Variants in ZNF525 observed in about 807,000 individuals in gnomAD.
ZNF525 encodes zinc finger protein 525.
ZNF525 carries 33 observed loss-of-function variants against 37.6 expected under a neutral mutation model. The ratio of observed to expected loss-of-function variants is 0.88; its 90% CI spans 0.67 to 1.17. The LOEUF is 1.17. Ranked by LOEUF, ZNF525 falls within the 50% of genes most tolerant of loss-of-function variation. The pLI is 0.00. For missense variants in ZNF525, 449 were observed against 543.1 expected (o/e 0.83, Z 1.72); for synonymous variants, 170 against 182.3 (o/e 0.93, Z 0.54).
chr19:53,372,094 G>A, intron 1 of ZNF525, 121 bp from the exon 2 acceptor site: 2 of 467,008 alleles, frequency 4.3e-6, no homozygotes, highest in South Asian at 4.4e-5. Flanking sequence ...GGTACCTGGT[G>A]TGGAGGGCAG....
chr19:53,370,880 C>T (rs1444354632), intron 1 of ZNF525, among the ~76,000 whole-genome samples: 1 of 152,224 alleles, frequency 6.6e-6, no homozygotes, highest in Non-Finnish European at 1.5e-5. Context: ...CACTGTGGCT[C>T]CACAGCCCTG....
chr19:53,374,926 A>G (rs1301398885), intron 2 of ZNF525, among the ~76,000 whole-genome samples: 1 of 152,068 alleles, frequency 6.6e-6, no homozygotes, highest in Non-Finnish European at 1.5e-5. Context: ...CCCAGGCTGG[A>G]GCACAGTGGT....
At chr19:53,368,158 A>G (rs1467015985) in intron 1 of ZNF525, among the ~76,000 whole-genome samples, 1 of 152,116 alleles carries the variant, frequency 6.6e-6, no homozygotes, top group African/African-American at 2.4e-5. Context: ...GCCCTTGTCC[A>G]TTTGGCTGGC....
At chr19:53,370,693 A>G (rs750167176) in intron 1 of ZNF525, among the ~76,000 whole-genome samples, 1 of 151,874 alleles carries the variant, frequency 6.6e-6, no homozygotes, top group Non-Finnish European at 1.5e-5. Flanking sequence ...TGAAAAAAAA[A>G]TAATAAAATG....
In ZNF525 at chr19:53,383,091, T is replaced by C; in HGVS notation, c.*1072T>C. ...TGCAAGTGTAATAAATGTGGCGAGG[T>C]TTTTAATCAACAAGCACACCTTGCA... is the stretch of plus-strand genomic sequence containing the variant. On this transcript the variant is annotated 3_prime_UTR_variant, in exon 4 of 4. Transcript: ENST00000474037. The C allele has an allele frequency of 7.3e-6, 10 of 1,376,088 alleles. No homozygotes were observed. Among genetic ancestry groups the C allele is most frequent in the Non-Finnish European group, 1.0e-5 (10 of 979,288 alleles). The allele number at this position is 1,376,088 out of a possible 1,614,324, so 85.2% of individuals were successfully genotyped here.
rs2085588201 is a variant in ZNF525 at position 53,384,097 on chromosome 19, CATTG to C, written c.*2084_*2087del. 6.5e-6 allele frequency: 3 copies of C among 459,422 alleles called. No individual in the cohort carries two copies. The allele number at this position is 459,422 out of a possible 1,614,324, so 28.5% of individuals were successfully genotyped here. On this transcript the variant is annotated 3_prime_UTR_variant, in exon 4 of 4. Coordinates refer to ENST00000474037, the MANE Select transcript of ZNF525 (RefSeq NM_001348156.2). Reference sequence around the variant, plus strand: ...GCAATGAATATAGCAAACCATCAAGCATTGATTGACATTAGAGTCAGTTCAGCAT... The same window carrying C: ...GCAATGAATATAGCAAACCATCAAGCATTGACATTAGAGTCAGTTCAGCAT...
In ZNF525 at chr19:53,382,082, C is replaced by T; in HGVS notation, c.*63C>T. Reference sequence around the variant, plus strand: ...AATGTTATAAGTGTAATGATTGTGGCAAGATCTTCAGTCATACGTCATCCA... The same window carrying T: ...AATGTTATAAGTGTAATGATTGTGGTAAGATCTTCAGTCATACGTCATCCA... On this transcript the variant is annotated 3_prime_UTR_variant, in exon 4 of 4. Transcript: ENST00000474037. 6.7e-7 allele frequency: 1 copy of T among 1,483,950 alleles called. No homozygotes were observed. The allele number at this position is 1,483,950 out of a possible 1,614,324, so 91.9% of individuals were successfully genotyped here. A position where few individuals can be genotyped will look rare whatever the true frequency, so the allele number is the denominator to read the frequency against.
rs1479045782 is a variant in ZNF525, at chr19:53,381,105, A to G, written c.526A>G (p.Thr176Ala). ...TATCAACGATGCTTCCTCGGTTTCAACAGCCCAAAGAATTTCTTGTAGGCC... is the reference window on the plus strand; with the variant it reads ...TATCAACGATGCTTCCTCGGTTTCAGCAGCCCAAAGAATTTCTTGTAGGCC... Reference protein sequence around the residue: ...KSINDASSVSTAQRISCRPKT... With the variant: ...KSINDASSVSAAQRISCRPKT... The change falls in exon 4 of 4, where the codon ACA becomes GCA. Residue 176 changes from threonine (T) to alanine (A), a missense_variant. Thr to Ala is a moderately conservative substitution (Grantham distance 58). This residue lies in a region of ZNF525 where 271 missense variants were observed against 381.6 expected (regional missense o/e 0.71). Coordinates refer to ENST00000474037, the MANE Select transcript of ZNF525 (RefSeq NM_001348156.2). 2 of 1,453,194 alleles carry G rather than the reference A, an allele frequency of 1.4e-6. No individual in the cohort carries two copies. Among genetic ancestry groups the G allele is most frequent in the Non-Finnish European group, 1.9e-6 (2 of 1,033,686 alleles). 90.0% of individuals were successfully genotyped at this position (1,453,194 alleles called of 1,614,324 possible).
At position 53,381,769 on chromosome 19, in the gene ZNF525, C is replaced by A; in HGVS notation, c.1190C>A (p.Thr397Asn). The change falls in exon 4 of 4, where the codon ACC becomes AAC. Residue 397 changes from threonine to asparagine, a missense_variant. By Grantham distance (65) the Thr-to-Asn change is moderately conservative. Transcript: ENST00000474037. ...GGCAAGACCTTCAGTCATATGTCAA[C>A]CCTTACATGCCATCGTAGACTTCAT... is the stretch of plus-strand genomic sequence containing the variant. ...DCGKTFSHMS[T>N]LTCHRRLHTG... 1 of 1,048,432 alleles carries A rather than the reference C, an allele frequency of 9.5e-7. No homozygotes were observed. Among genetic ancestry groups the A allele is most frequent in the Non-Finnish European group, 1.5e-6 (1 of 663,170 alleles). 64.9% of individuals were successfully genotyped at this position (1,048,432 alleles called of 1,614,324 possible).
At chr19:53,370,341 C>G (rs74710930) in intron 1 of ZNF525, among the ~76,000 whole-genome samples, 1 of 147,130 alleles carries the variant, frequency 6.8e-6, no homozygotes, top group Non-Finnish European at 1.5e-5. Flanking sequence ...ATGGTGTGAA[C>G]GTGGGAAGCG....
At chr19:53,372,405 A>G (rs1383822305) in intron 2 of ZNF525, 109 bp downstream of exon 2, 10 of 739,544 alleles carry the variant, frequency 1.4e-5, no homozygotes, top group Admixed American at 7.4e-5. Context: ...AGGTTTGCTC[A>G]CATTCACCCA....
At chr19:53,375,401 A>ATT (rs1278564219) in intron 2 of ZNF525, among the ~76,000 whole-genome samples, 6 of 152,152 alleles carry the variant, frequency 3.9e-5, no homozygotes, top group African/African-American at 1.4e-4. Context: ...CCTGGCCAGT[A>ATT]TGGTGAAACT....
intron 1 of ZNF525, among the ~76,000 whole-genome samples, 163 bp downstream of exon 1, chr19:53,365,922 G>A (rs1188027071): frequency 1.3e-5 from 2 of 152,044 alleles, no homozygotes; most frequent in South Asian, 4.1e-4. Context: ...ACTTCCTTTT[G>A]GGTTTAAAGT....
chr19:53,368,047 GTTT>G (rs77924095), intron 1 of ZNF525, among the ~76,000 whole-genome samples: 1 of 151,640 alleles, frequency 6.6e-6, no homozygotes, highest in African/African-American at 2.4e-5. Context: ...TATCTCTTTT[GTTT>G]TTTTTCTTTA....
rs1460421332 is a variant in ZNF525 at position 53,383,739 on chromosome 19, GTAA to G, written c.*1725_*1727del. On this transcript the variant is annotated 3_prime_UTR_variant, in exon 4 of 4. Coordinates refer to ENST00000474037, the MANE Select transcript of ZNF525 (RefSeq NM_001348156.2). ...CATAATGAAGAGAGATCTTACAAAT[GTAA>G]TAATTGTGGCAAATTTTTCAGACAT... 10 of 601,242 alleles carry G rather than the reference GTAA, an allele frequency of 1.7e-5. No homozygotes were observed. The highest frequency in any genetic ancestry group is 2.9e-4 in the Middle Eastern group (1 of 3,508). 37.2% of individuals were successfully genotyped at this position (601,242 alleles called of 1,614,324 possible).
chr19:53,374,603 A>G (rs1223800008), intron 2 of ZNF525, among the ~76,000 whole-genome samples: 1 of 152,218 alleles, frequency 6.6e-6, no homozygotes, highest in Non-Finnish European at 1.5e-5. Context: ...TTCCAGCAAG[A>G]TGAGATTCCT....
chr19:53,366,540 G>GAAAAA (rs57967171), intron 1 of ZNF525, among the ~76,000 whole-genome samples: 1 of 124,164 alleles, frequency 8.1e-6, no homozygotes, highest in African/African-American at 3.3e-5. Flanking sequence ...CAGCAAAAGT[G>GAAAAA]AAAAAAAAAA....
chr19:53,366,886 T>G (rs931086811), intron 1 of ZNF525, among the ~76,000 whole-genome samples: 2 of 151,968 alleles, frequency 1.3e-5, no homozygotes, highest in Admixed American at 1.3e-4. Flanking sequence ...CTAGAGAGAC[T>G]GATATGGGGG....
In ZNF525 at chr19:53,381,154, A is replaced by G. The variant is rs2085557617; in HGVS notation, c.575A>G (p.Tyr192Cys). The change falls in exon 4 of 4, where the codon TAT becomes TGT. Residue 192 changes from tyrosine (Y) to cysteine (C), a missense_variant. Transcript: ENST00000474037. Reference sequence around the variant, plus strand: ...CCCAAAACCCATATATCTAATAACTATGGGGATAATTTTCTGAATTATTCA... The same window carrying G: ...CCCAAAACCCATATATCTAATAACTGTGGGGATAATTTTCTGAATTATTCA... ...CRPKTHISNN[Y>C]GDNFLNYSLL... is the part of the protein sequence containing the mutation. The G allele has an allele frequency of 2.9e-6, 4 of 1,382,316 alleles. No homozygotes were observed. The highest frequency in any genetic ancestry group is 4.1e-6 in the Non-Finnish European group (4 of 969,060). 85.6% of individuals were successfully genotyped at this position (1,382,316 alleles called of 1,614,324 possible).
Sources: allele counts gnomAD v4.1 joint callset (sites outside exome capture counted in the v4.1 genomes callset), GRCh38; gene constraint gnomAD v4.1.1; regional missense constraint gnomAD v4.1.1; transcripts MANE v1.5; gene names NCBI Gene and HGNC (gene_info 2026-07-23, HGNC 2026-07-21).